The following AGBL4 variants were observed in gnomAD, a reference collection of about 807,000 sequenced individuals.
The protein encoded by AGBL4 is cytosolic carboxypeptidase 6.
AGBL4 carries 58 observed loss-of-function variants against 66.4 expected under a neutral mutation model. That is an observed-to-expected ratio of 0.87 (90% confidence interval 0.71 to 1.09). The LOEUF is 1.09. AGBL4 is among the 50% of genes least tolerant of loss of function. AGBL4 has a pLI of 0.00. For missense variants in AGBL4, 579 were observed against 631.0 expected (o/e 0.92, Z 0.88); for synonymous variants, 234 against 222.9 (o/e 1.05, Z -0.44).
At chr1:49,256,731 G>A (rs1018326745) in intron 3 of AGBL4, among the ~76,000 whole-genome samples, 1 of 152,122 alleles carries the variant, frequency 6.6e-6, no homozygotes, top group Non-Finnish European at 1.5e-5. Flanking sequence ...TAGATAGCAA[G>A]ACTTACTGTA....
At chr1:48,891,085 A>T (rs1650908871) in intron 5 of AGBL4, among the ~76,000 whole-genome samples, 1 of 152,216 alleles carries the variant, frequency 6.6e-6, no homozygotes, top group Non-Finnish European at 1.5e-5. Context: ...AAATGCTTTT[A>T]ACTAAAAAGA....
intron 4 of AGBL4, among the ~76,000 whole-genome samples, chr1:49,150,784 T>C (rs1044768181): frequency 6.6e-6 from 1 of 152,146 alleles, no homozygotes; most frequent in Non-Finnish European, 1.5e-5. Context: ...GTTCTTCCAA[T>C]GAGCTTCCAC....
At chr1:48,834,806 A>C (rs1646638087) in intron 6 of AGBL4, among the ~76,000 whole-genome samples, 1 of 152,146 alleles carries the variant, frequency 6.6e-6, no homozygotes, top group Non-Finnish European at 1.5e-5. Flanking sequence ...TTGAGAATAA[A>C]ATTCTGTTGA....
intron 3 of AGBL4, among the ~76,000 whole-genome samples, chr1:49,646,986 A>C (rs1167893095): frequency 6.6e-6 from 1 of 151,980 alleles, no homozygotes; most frequent in East Asian, 1.9e-4. Context: ...AAAATCAAAA[A>C]ATACAAACTT....
chr1:49,142,505 C>A (rs1016376963), intron 4 of AGBL4, among the ~76,000 whole-genome samples: 3 of 152,172 alleles, frequency 2.0e-5, no homozygotes, highest in Non-Finnish European at 4.4e-5. Flanking sequence ...ATTAATAACA[C>A]CTGCCCTCAT....
chr1:49,265,189 T>C (rs1345205503), intron 3 of AGBL4, among the ~76,000 whole-genome samples: 31 of 152,204 alleles, frequency 2.0e-4, no homozygotes, highest in Admixed American at 1.7e-3. Flanking sequence ...GTTTTTATTA[T>C]GAATGATGTC....
At position 48,681,022 on chromosome 1, in the gene AGBL4, G is replaced by A. The variant is rs6698279; in HGVS notation, c.635-17781C>T. 7.5e-4 allele frequency among the ~76,000 whole-genome samples: 113 copies of A among 151,622 alleles called. 1 individual carries two copies. Among genetic ancestry groups the A allele is most frequent in the African/African-American group, 2.7e-3 (112 of 41,264 alleles). ...GCCCCACTCCAGACCCACTGAATTAGAATCTCTGACACAGGGCATGGGAAT... is the reference window on the plus strand; with the variant it reads ...GCCCCACTCCAGACCCACTGAATTAAAATCTCTGACACAGGGCATGGGAAT... On this transcript the variant is annotated intron_variant, in intron 6 of 13. Coordinates refer to ENST00000371839, the MANE Select transcript of AGBL4 (RefSeq NM_032785.4).
rs962344558 is a variant in AGBL4 at position 49,333,489 on chromosome 1, A to AAAAC, written c.283-87629_283-87626dup. ...GAGACTCTGTCTCAAACACCCCCCA[A>AAAAC]AAACAAACAAACAAACAAAAAAACC... On this transcript the variant is annotated intron_variant, in intron 3 of 13. Coordinates refer to ENST00000371839, the MANE Select transcript of AGBL4 (RefSeq NM_032785.4). Among the ~76,000 whole-genome samples, 5 of 152,270 alleles carry AAAAC rather than the reference A, an allele frequency of 3.3e-5. No individual in the cohort carries two copies. The East Asian group carries it at 5.8e-4, about 18-fold the overall frequency.
At chr1:48,890,716 G>A (rs1650856017) in intron 5 of AGBL4, among the ~76,000 whole-genome samples, 1 of 152,178 alleles carries the variant, frequency 6.6e-6, no homozygotes, top group Admixed American at 6.5e-5. Context: ...GGGAATGAAG[G>A]TTGGTAAGTC....
At chr1:48,965,898 T>C (rs1289426323) in intron 5 of AGBL4, among the ~76,000 whole-genome samples, 1 of 152,202 alleles carries the variant, frequency 6.6e-6, no homozygotes, top group African/African-American at 2.4e-5. Flanking sequence ...AGTTGTGATC[T>C]CTTGGCTCAT....
chr1:49,103,552 C>T lies in AGBL4; in HGVS notation c.378-57752G>A, dbSNP rs189819390. 2.9e-3 allele frequency among the ~76,000 whole-genome samples: 438 copies of T among 152,278 alleles called. 2 individuals are homozygous for T. The highest frequency in any genetic ancestry group is 1.0e-2 in the African/African-American group (414 of 41,562). On this transcript the variant is annotated intron_variant, in intron 4 of 13. Coordinates refer to ENST00000371839, the MANE Select transcript of AGBL4 (RefSeq NM_032785.4). ...TCACACAGGCTGAAGTTCTATGACA[C>T]GCTGGATTCGCCTTTGAAGAGTCAA...
chr1:49,901,217 A>G (rs1364060220), intron 1 of AGBL4, among the ~76,000 whole-genome samples: 2 of 152,182 alleles, frequency 1.3e-5, no homozygotes, highest in African/African-American at 2.4e-5. Flanking sequence ...GAAAGAAATA[A>G]GAGTCATCCA....
intron 4 of AGBL4, among the ~76,000 whole-genome samples, chr1:49,182,786 A>G (rs1225350961): frequency 1.3e-5 from 2 of 152,102 alleles, no homozygotes; most frequent in South Asian, 2.1e-4. Context: ...GGCACCTTAC[A>G]TATCTCATAT....
At chr1:49,324,276 A>G (rs1234630813) in intron 3 of AGBL4, among the ~76,000 whole-genome samples, 3 of 152,230 alleles carry the variant, frequency 2.0e-5, no homozygotes, top group Admixed American at 2.0e-4. Context: ...ACAACAGAAA[A>G]TTCATCTCAA....
At chr1:49,379,054 T>C (rs940717951) in intron 3 of AGBL4, among the ~76,000 whole-genome samples, 2 of 152,100 alleles carry the variant, frequency 1.3e-5, no homozygotes, top group African/African-American at 4.8e-5. Context: ...GGTAGGCCTA[T>C]GAAGACTAGA....
chr1:49,241,295 G>T (rs996883363), intron 4 of AGBL4, among the ~76,000 whole-genome samples: 1 of 151,822 alleles, frequency 6.6e-6, no homozygotes, highest in South Asian at 2.1e-4. Context: ...GGTTTATAAG[G>T]CTCACCTCAA....
At chr1:49,263,010 A>G (rs1285313579) in intron 3 of AGBL4, among the ~76,000 whole-genome samples, 1 of 152,206 alleles carries the variant, frequency 6.6e-6, no homozygotes, top group Non-Finnish European at 1.5e-5. Context: ...TTGTAGGGAC[A>G]TGGATGAAAC....
chr1:49,528,576 A>G (rs781774722), intron 3 of AGBL4, among the ~76,000 whole-genome samples: 2 of 152,020 alleles, frequency 1.3e-5, no homozygotes, highest in Non-Finnish European at 2.9e-5. Context: ...TATAGGGGAG[A>G]TAAGTAAGCA....
intron 2 of AGBL4, among the ~76,000 whole-genome samples, chr1:49,826,102 G>C (rs762060466): frequency 1.3e-5 from 2 of 151,968 alleles, no homozygotes; most frequent in Non-Finnish European, 2.9e-5. Flanking sequence ...TTTAATATTT[G>C]TGTAAATTGA....
Sources: allele counts gnomAD v4.1 joint callset (sites outside exome capture counted in the v4.1 genomes callset), GRCh38; gene constraint gnomAD v4.1.1; transcripts MANE v1.5; gene names NCBI Gene and HGNC (gene_info 2026-07-23, HGNC 2026-07-21).